DLGAP2: variants seen among roughly 807,000 people sequenced by gnomAD.
DLGAP2 encodes disks large-associated protein 2.
Under a neutral mutation model 100.3 loss-of-function variants are expected in DLGAP2, and 26 were observed. The ratio of observed to expected loss-of-function variants is 0.26; its 90% CI spans 0.19 to 0.36. The LOEUF is 0.36. Ranked by LOEUF, DLGAP2 falls within the 10% of genes least tolerant of loss-of-function variation. The pLI, the probability that DLGAP2 is intolerant of heterozygous loss-of-function variation, is 1.00. For synonymous variants in DLGAP2, 886 were observed against 630.1 expected, an observed-to-expected ratio of 1.41 and a Z score of -6.08; for missense variants, 1,858 against 1,453.2, an observed-to-expected ratio of 1.28 and a Z score of -4.53.
intron 1 of DLGAP2, among the ~76,000 whole-genome samples, chr8:798,133 A>G (rs1394345382): frequency 6.6e-6 from 1 of 152,234 alleles, no homozygotes; most frequent in Non-Finnish European, 1.5e-5. Flanking sequence ...TGTCAGCTGA[A>G]AGATCTGCAA....
chr8:1,476,767 C>G (rs1798942567), intron 3 of DLGAP2, among the ~76,000 whole-genome samples: 1 of 150,258 alleles, frequency 6.7e-6, no homozygotes, highest in Non-Finnish European at 1.5e-5. Context: ...TGGCCGAGTG[C>G]TGTCGGCCAC....
chr8:1,472,004 G>C (rs116065897), intron 3 of DLGAP2, among the ~76,000 whole-genome samples: 2,285 of 152,330 alleles, frequency 0.015, 57 homozygotes, highest in African/African-American at 0.053. Context: ...GGTGGTCTCT[G>C]TGCCAGGCAC....
At chr8:1,004,751 G>A (rs1204247815) in intron 2 of DLGAP2, among the ~76,000 whole-genome samples, 2 of 152,200 alleles carry the variant, frequency 1.3e-5, no homozygotes, top group African/African-American at 4.8e-5. Context: ...ACACCAGTAG[G>A]TCGAGCCCTG....
chr8:791,333 TC>T (rs1471456569), intron 1 of DLGAP2, among the ~76,000 whole-genome samples: 3 of 152,220 alleles, frequency 2.0e-5, no homozygotes, highest in Non-Finnish European at 4.4e-5. Context: ...CCCAGGCTGT[TC>T]CGGGTTCTCA....
At chr8:1,638,429 T>G (rs1420239116) in intron 8 of DLGAP2, among the ~76,000 whole-genome samples, 1 of 152,078 alleles carries the variant, frequency 6.6e-6, no homozygotes, top group Non-Finnish European at 1.5e-5. Context: ...AGCGCCTTGG[T>G]CTGGGACTCA....
chr8:1,497,627 C>T (rs541929062), intron 3 of DLGAP2, among the ~76,000 whole-genome samples: 1 of 152,318 alleles, frequency 6.6e-6, no homozygotes, highest in Admixed American at 6.5e-5. Context: ...GCATTTCTCC[C>T]ATGCTGTCCC....
chr8:1,425,252 C>G (rs999656645), intron 3 of DLGAP2, among the ~76,000 whole-genome samples: 1 of 152,118 alleles, frequency 6.6e-6, no homozygotes, highest in Non-Finnish European at 1.5e-5. Flanking sequence ...AAATATCTGT[C>G]TGTATTTTAA....
intron 5 of DLGAP2, among the ~76,000 whole-genome samples, chr8:1,562,686 A>T (rs62484075): frequency 2.6e-4 from 2 of 7,620 alleles, no homozygotes; most frequent in Non-Finnish European, 2.1e-4. Flanking sequence ...TCCGCGCCTC[A>T]TTACTGGGGG....
chr8:970,868 C>G (rs1218350589), intron 2 of DLGAP2, among the ~76,000 whole-genome samples: 1 of 152,188 alleles, frequency 6.6e-6, no homozygotes, highest in Non-Finnish European at 1.5e-5. Context: ...CCCAGACTAT[C>G]TTAACCTTGT....
At chr8:874,807 T>C (rs1797659772) in intron 1 of DLGAP2, among the ~76,000 whole-genome samples, 1 of 152,184 alleles carries the variant, frequency 6.6e-6, no homozygotes, top group Admixed American at 6.5e-5. Context: ...ATTAAGAGTG[T>C]GGTATTAAAG....
chr8:1,114,609 C>G (rs1299730160), intron 2 of DLGAP2, among the ~76,000 whole-genome samples: 1 of 151,904 alleles, frequency 6.6e-6, no homozygotes, highest in Non-Finnish European at 1.5e-5. Flanking sequence ...ATTATTCCAG[C>G]TAGCAGCCTA....
At chr8:1,437,242 A>C (rs1797667297) in intron 3 of DLGAP2, among the ~76,000 whole-genome samples, 1 of 151,956 alleles carries the variant, frequency 6.6e-6, no homozygotes, top group Non-Finnish European at 1.5e-5. Flanking sequence ...CGTTCAGCCC[A>C]GGCGCGTAAG....
intron 6 of DLGAP2, among the ~76,000 whole-genome samples, chr8:1,580,024 C>T (rs1393739211): frequency 6.6e-6 from 1 of 152,204 alleles, no homozygotes; most frequent in Non-Finnish European, 1.5e-5. Flanking sequence ...AATAAGAGCC[C>T]CGCCCATTTC....
At chr8:951,196 A>G (rs1442490445) in intron 2 of DLGAP2, among the ~76,000 whole-genome samples, 1 of 152,090 alleles carries the variant, frequency 6.6e-6, no homozygotes, top group Admixed American at 6.6e-5. Flanking sequence ...CAATTATAGG[A>G]TATCTATCTT....
intron 4 of DLGAP2, among the ~76,000 whole-genome samples, chr8:1,519,939 C>G (rs908141099): frequency 2.0e-5 from 3 of 152,350 alleles, no homozygotes; most frequent in South Asian, 2.1e-4. Flanking sequence ...TCCTCCCACA[C>G]CTGCCCTGGG....
intron 2 of DLGAP2, among the ~76,000 whole-genome samples, chr8:1,239,964 C>G (rs1481742496): frequency 1.4e-5 from 2 of 146,308 alleles, no homozygotes; most frequent in African/African-American, 2.6e-5. Flanking sequence ...CTAGTTCTCT[C>G]TCACACATAG....
At chr8:1,537,728 TGGAA>T (rs10523091) in intron 4 of DLGAP2, among the ~76,000 whole-genome samples, 36,331 of 136,262 alleles carry the variant, frequency 0.27, 4,884 homozygotes, top group Middle Eastern at 0.31. Context: ...GATGAAAGGA[TGGAA>T]GGAAGGAAGG....
intron 4 of DLGAP2, among the ~76,000 whole-genome samples, chr8:1,502,964 A>G (rs1347968145): frequency 2.0e-5 from 3 of 152,042 alleles, no homozygotes; most frequent in Admixed American, 6.6e-5. Flanking sequence ...GAACTGAAAC[A>G]AGAGTGCAGG....
At chr8:1,230,413 A>G (rs1484334774) in intron 2 of DLGAP2, among the ~76,000 whole-genome samples, 5 of 152,226 alleles carry the variant, frequency 3.3e-5, no homozygotes, top group East Asian at 1.9e-4. Context: ...AGGAATCAAT[A>G]TTGTTAAAAT....
Sources: gnomAD v4.1 joint callset for allele counts (sites outside exome capture counted in the v4.1 genomes callset) on GRCh38, gnomAD v4.1.1 for gene constraint, MANE v1.5 for transcripts, NCBI Gene and HGNC (gene_info 2026-07-23, HGNC 2026-07-21) for gene names.